Variants in GSTA5 observed in about 807,000 individuals in gnomAD.
The protein encoded by GSTA5 is glutathione S-transferase alpha 5.
GSTA5 carries 25 observed loss-of-function variants against 21.8 expected under a neutral mutation model. The observed-to-expected ratio is 1.14, with a 90% CI of 0.83 to 1.60. The LOEUF (loss-of-function observed/expected upper bound fraction) is 1.60. Ranked by LOEUF, GSTA5 falls within the 40% of genes most tolerant of loss-of-function variation. The pLI is 0.00. For synonymous variants in GSTA5, 102 were observed against 89.5 expected (o/e 1.14, Z -0.78); for missense variants, 330 against 259.2 (o/e 1.27, Z -1.88).
At chr6:52,837,190 G>A (rs1246064818) in intron 2 of GSTA5, among the ~76,000 whole-genome samples, 1 of 152,142 alleles carries the variant, frequency 6.6e-6, no homozygotes, top group African/African-American at 2.4e-5. Flanking sequence ...CAATGGCCAC[G>A]TCGATTTTTC....
upstream of GSTA5, among the ~76,000 whole-genome samples, chr6:52,845,400 G>T (rs1207595272): frequency 1.3e-5 from 2 of 152,164 alleles, no homozygotes; most frequent in Admixed American, 6.5e-5. Flanking sequence ...TAGGTAAAGG[G>T]CAGGGACGCT....
intron 5 of GSTA5, among the ~76,000 whole-genome samples, chr6:52,832,459 G>T (rs1250284497): frequency 6.6e-6 from 1 of 152,126 alleles, no homozygotes; most frequent in African/African-American, 2.4e-5. Context: ...CTGACAAAAG[G>T]AGCCAGAGCC....
chr6:52,835,611 A>T (rs906244002), intron 3 of GSTA5, among the ~76,000 whole-genome samples: 1 of 152,158 alleles, frequency 6.6e-6, no homozygotes, highest in Non-Finnish European at 1.5e-5. Context: ...TTCAGGATTT[A>T]TTTGTAATTA....
At chr6:52,843,231 T>A (rs1426854741), upstream of GSTA5, among the ~76,000 whole-genome samples, 1 of 152,192 alleles carries the variant, frequency 6.6e-6, no homozygotes, top group Admixed American at 6.5e-5. Flanking sequence ...TGTGTCTTTG[T>A]GGTAGAATGA....
exon 6 of GSTA5, chr6:52,831,863 C>T (rs1473692418): frequency 6.2e-7 from 1 of 1,613,898 alleles, no homozygotes; most frequent in Non-Finnish European, 8.5e-7. Flanking sequence ...ACCTGAAAAT[C>T]TTCCTTGCTT....
exon 1 of GSTA5, chr6:52,840,777 G>T: frequency 6.2e-7 from 1 of 1,614,088 alleles, no homozygotes; most frequent in South Asian, 1.1e-5. Context: ...ATACTGCCCC[G>T]TGCATTGGAG....
upstream of GSTA5, among the ~76,000 whole-genome samples, chr6:52,845,550 C>T (rs1298014871): frequency 6.6e-6 from 1 of 152,184 alleles, no homozygotes; most frequent in Non-Finnish European, 1.5e-5. Flanking sequence ...CAGAATATGA[C>T]TTGTCGTCAA....
At chr6:52,838,370 G>C (rs1386380040) in intron 1 of GSTA5, among the ~76,000 whole-genome samples, 2 of 152,198 alleles carry the variant, frequency 1.3e-5, no homozygotes, top group African/African-American at 4.8e-5. Context: ...GGCACCTATG[G>C]TATAGGCTGA....
At chr6:52,833,111 A>T in intron 4 of GSTA5, 121 bp from the exon 5 acceptor site, 1 of 1,098,780 alleles carries the variant, frequency 9.1e-7, no homozygotes, top group Non-Finnish European at 1.4e-6. Context: ...ATGGGTGCAG[A>T]AATCCCAAGC....
chr6:52,839,623 A>AC (rs1764344361), intron 1 of GSTA5, among the ~76,000 whole-genome samples: 2 of 151,680 alleles, frequency 1.3e-5, no homozygotes, highest in African/African-American at 2.4e-5. Flanking sequence ...CTCACCTGAA[A>AC]CCCCCCTTTT....
At chr6:52,845,606 T>C (rs1160150641), upstream of GSTA5, among the ~76,000 whole-genome samples, 1 of 152,214 alleles carries the variant, frequency 6.6e-6, no homozygotes, top group Non-Finnish European at 1.5e-5. Context: ...CCTCCTGACA[T>C]TCAAACTAAT....
At chr6:52,832,822 A>G (rs969700584) in intron 5 of GSTA5, 37 bp downstream of exon 5, 2 of 1,612,786 alleles carry the variant, frequency 1.2e-6, no homozygotes, top group African/African-American at 1.3e-5. Context: ...AATATAAGAG[A>G]TGTGGGGCTG....
upstream of GSTA5, among the ~76,000 whole-genome samples, chr6:52,843,559 T>C (rs1320263678): frequency 6.6e-6 from 1 of 152,250 alleles, no homozygotes; most frequent in Admixed American, 6.5e-5. Context: ...CAAAATCTTT[T>C]AAATGTCTAC....
chr6:52,833,436 A>G (rs979768732), intron 4 of GSTA5, among the ~76,000 whole-genome samples: 2 of 152,114 alleles, frequency 1.3e-5, no homozygotes, highest in African/African-American at 4.8e-5. Flanking sequence ...AGACTATTTC[A>G]GAGTCCTCAT....
At chr6:52,840,857 T>G (rs1167609045), upstream of GSTA5, 1 of 1,509,832 alleles carries the variant, frequency 6.6e-7, no homozygotes, top group Admixed American at 1.9e-5. Flanking sequence ...AATGAATGAA[T>G]GAATAATTGA....
At chr6:52,839,809 C>CA (rs1764346896) in intron 1 of GSTA5, among the ~76,000 whole-genome samples, 1 of 152,226 alleles carries the variant, frequency 6.6e-6, no homozygotes, top group Non-Finnish European at 1.5e-5. Context: ...ATTTCCTACT[C>CA]AAACACTGGG....
chr6:52,833,129 A>G (rs1561925588), intron 4 of GSTA5, 139 bp from the exon 5 acceptor site: 1 of 958,168 alleles, frequency 1.0e-6, no homozygotes, highest in Non-Finnish European at 1.6e-6. Flanking sequence ...AGCTTTCTCC[A>G]CATTATCTGA....
At chr6:52,834,155 G>A (rs1276966919) in exon 4 of GSTA5, 2 of 1,614,006 alleles carry the variant, frequency 1.2e-6, no homozygotes, top group South Asian at 2.2e-5. Context: ...TCAAAGGCAG[G>A]GAAGTAGCGA....
At chr6:52,839,989 G>A (rs958551491) in intron 1 of GSTA5, among the ~76,000 whole-genome samples, 1 of 152,146 alleles carries the variant, frequency 6.6e-6, no homozygotes, top group East Asian at 1.9e-4. Context: ...ACAGAACCTG[G>A]AATTAATAAG....
Sources: gnomAD v4.1 joint callset for allele counts (sites outside exome capture counted in the v4.1 genomes callset) on GRCh38, gnomAD v4.1.1 for gene constraint, MANE v1.5 for transcripts, NCBI Gene and HGNC (gene_info 2026-07-23, HGNC 2026-07-21) for gene names.